Variants in MGAT4D observed in about 807,000 individuals in gnomAD.
MGAT4D encodes alpha-1,3-mannosyl-glycoprotein 4-beta-N-acetylglucosaminyltransferase-like protein MGAT4D.
Under a neutral mutation model 15.9 loss-of-function variants are expected in MGAT4D, and 34 were observed. The observed-to-expected ratio is 2.14, with a 90% confidence interval of 1.62 to 2.84. MGAT4D has a LOEUF of 2.84. MGAT4D is among the 30% of genes most tolerant of loss of function. MGAT4D has a pLI of 0.00. For synonymous variants in MGAT4D, 112 were observed against 48.2 expected, an observed-to-expected ratio of 2.33 and a Z score of -5.49; for missense variants, 327 against 140.2, an observed-to-expected ratio of 2.33 and a Z score of -6.73.
intron 7 of MGAT4D, among the ~76,000 whole-genome samples, chr4:140,461,637 G>A (rs1731182056): frequency 6.6e-6 from 1 of 151,808 alleles, no homozygotes; most frequent in Admixed American, 6.6e-5. Flanking sequence ...TCGTTTTTTT[G>A]AGATTTTCTT....
chr4:140,442,811 T>C lies in MGAT4D; in HGVS notation c.*625A>G, dbSNP rs186874275. On this transcript the variant is annotated 3_prime_UTR_variant, in exon 11 of 11. Transcript: ENST00000511113. ...CAATAAAAGATGGAGAAAACCAATA[T>C]ATTTGGGAAAAAAACTCCCAAATAA... 6 of 143,702 alleles carry C rather than the reference T, an allele frequency of 4.2e-5. No homozygotes were observed. The highest frequency in any genetic ancestry group is 4.1e-4 in the East Asian group (2 of 4,900). 8.9% of individuals were successfully genotyped at this position (143,702 alleles called of 1,614,324 possible).
chr4:140,478,633 T>C (rs1416263670), intron 3 of MGAT4D, among the ~76,000 whole-genome samples: 1 of 152,096 alleles, frequency 6.6e-6, no homozygotes, highest in Non-Finnish European at 1.5e-5. Context: ...TTAAATGAGA[T>C]AATGTAAGAA....
At chr4:140,488,361 T>A (rs768508575) in intron 1 of MGAT4D, among the ~76,000 whole-genome samples, 17 of 152,206 alleles carry the variant, frequency 1.1e-4, no homozygotes, top group Non-Finnish European at 1.9e-4. Context: ...AAAATCTGGT[T>A]TCTGCTCTAA....
chr4:140,470,900 T>TTC (rs1265242676), intron 5 of MGAT4D, among the ~76,000 whole-genome samples: 1 of 151,992 alleles, frequency 6.6e-6, no homozygotes, highest in East Asian at 1.9e-4. Flanking sequence ...TTTTTTTTTT[T>TTC]TTGAGACACA....
At chr4:140,458,577 T>A (rs1340425088) in intron 8 of MGAT4D, 2 of 152,212 alleles carry the variant, frequency 1.3e-5, no homozygotes, top group Non-Finnish European at 2.9e-5. Context: ...GTCCTCACTT[T>A]GCACAATTCT....
chr4:140,475,559 C>A (rs2126797423), intron 3 of MGAT4D, among the ~76,000 whole-genome samples: 1 of 151,296 alleles, frequency 6.6e-6, no homozygotes, highest in South Asian at 2.1e-4. Context: ...CACAACATCT[C>A]CAGCCTTATG....
At chr4:140,488,583 C>T (rs10519562) in intron 1 of MGAT4D, among the ~76,000 whole-genome samples, 14,802 of 152,172 alleles carry the variant, frequency 0.097, 954 homozygotes, top group Admixed American at 0.19. Flanking sequence ...AGAAGGAAGA[C>T]TTGTGAACTT....
At position 140,442,805 on chromosome 4, in the gene MGAT4D, C is replaced by G. The variant is rs941749822; in HGVS notation, c.*631G>C. On this transcript the variant is annotated 3_prime_UTR_variant, in exon 11 of 11. Transcript: ENST00000511113. ...AATTAACAATAAAAGATGGAGAAAACCAATATATTTGGGAAAAAAACTCCC... is the reference window on the plus strand; with the variant it reads ...AATTAACAATAAAAGATGGAGAAAAGCAATATATTTGGGAAAAAAACTCCC... The G allele has an allele frequency of 3.4e-5, 5 of 148,382 alleles. No individual in the cohort carries two copies. The Admixed American group carries it at 3.4e-4, about 10-fold the overall frequency. The allele number at this position is 148,382 out of a possible 1,614,324, so 9.2% of individuals were successfully genotyped here.
At chr4:140,458,152 G>A (rs770431223) in intron 8 of MGAT4D, 1 of 152,142 alleles carries the variant, frequency 6.6e-6, no homozygotes, top group African/African-American at 2.4e-5. Flanking sequence ...ATCCTCAGTG[G>A]TCCACTCTAG....
At chr4:140,467,361 G>A (rs962540262) in intron 5 of MGAT4D, among the ~76,000 whole-genome samples, 1 of 152,066 alleles carries the variant, frequency 6.6e-6, no homozygotes, top group Non-Finnish European at 1.5e-5. Context: ...ATCTTGTGCG[G>A]CAATTTAGTA....
At chr4:140,489,074 T>C (rs1351252245) in intron 1 of MGAT4D, among the ~76,000 whole-genome samples, 1 of 152,142 alleles carries the variant, frequency 6.6e-6, no homozygotes, top group Non-Finnish European at 1.5e-5. Flanking sequence ...AATGGCCTAC[T>C]ACAGTTTATC....
At chr4:140,498,087 C>A in intron 1 of MGAT4D, 42 bp downstream of exon 1, 1 of 694,656 alleles carries the variant, frequency 1.4e-6, no homozygotes, top group South Asian at 1.5e-5. Flanking sequence ...CCCCGAAGCC[C>A]CCGCGGCGGG....
intron 6 of MGAT4D, among the ~76,000 whole-genome samples, chr4:140,464,269 C>G (rs559605187): frequency 3.4e-4 from 51 of 152,228 alleles, no homozygotes; most frequent in African/African-American, 1.2e-3. Flanking sequence ...TTTTGAGGGA[C>G]CAAATTATTA....
At chr4:140,471,734 G>T in intron 5 of MGAT4D, 41 bp downstream of exon 5, 1 of 413,214 alleles carries the variant, frequency 2.4e-6, no homozygotes, top group Non-Finnish European at 4.4e-6. Context: ...ATAGAAAAAT[G>T]AAAGAATGGC....
rs1310461030 is a variant in MGAT4D at position 140,443,278 on chromosome 4, A to T, written c.*158T>A. On this transcript the variant is annotated 3_prime_UTR_variant, in exon 11 of 11. Coordinates refer to ENST00000511113, the MANE Select transcript of MGAT4D (RefSeq NM_001277353.2). ...TAAATGTTCTACCTTGTCTTGACATAAGAAGTCATTTAGTACTTTCAAGTC... is the reference window on the plus strand; with the variant it reads ...TAAATGTTCTACCTTGTCTTGACATTAGAAGTCATTTAGTACTTTCAAGTC... 3 of 308,008 alleles carry T rather than the reference A, an allele frequency of 9.7e-6. No homozygotes were observed. The East Asian group carries it at 1.7e-4, about 18-fold the overall frequency. The allele number at this position is 308,008 out of a possible 1,614,324, so 19.1% of individuals were successfully genotyped here.
intron 8 of MGAT4D, chr4:140,457,902 A>G (rs1038725477): frequency 2.6e-5 from 4 of 152,186 alleles, no homozygotes; most frequent in African/African-American, 9.7e-5. Context: ...TGGGCCCTTA[A>G]AATTTTACAG....
chr4:140,472,855 T>C (rs1222491752), intron 4 of MGAT4D, among the ~76,000 whole-genome samples: 1 of 152,162 alleles, frequency 6.6e-6, no homozygotes, highest in Admixed American at 6.5e-5. Flanking sequence ...TTTCTTTTAA[T>C]ATTAATAAAT....
At chr4:140,465,142 A>C in intron 5 of MGAT4D, 133 bp from the exon 6 acceptor site, 1 of 533,298 alleles carries the variant, frequency 1.9e-6, no homozygotes, top group East Asian at 2.9e-5. Context: ...TTGATACATG[A>C]TACCAGCATC....
intron 9 of MGAT4D, 23 bp downstream of exon 9, chr4:140,456,566 G>T: frequency 6.8e-6 from 4 of 588,938 alleles, no homozygotes; most frequent in South Asian, 2.1e-5. Context: ...AAAATATTTG[G>T]TATTCATAAA....
Sources: allele counts gnomAD v4.1 joint callset (sites outside exome capture counted in the v4.1 genomes callset), GRCh38; gene constraint gnomAD v4.1.1; transcripts MANE v1.5; gene names NCBI Gene and HGNC (gene_info 2026-07-23, HGNC 2026-07-21).